Variants in NAV2 observed in about 807,000 individuals in gnomAD.
The protein encoded by NAV2 is helicase, APC down-regulated 1.
Under a neutral mutation model 223.2 loss-of-function variants are expected in NAV2, and 54 were observed. That is an observed-to-expected ratio of 0.24 (90% CI 0.19 to 0.30). The LOEUF (loss-of-function observed/expected upper bound fraction) is 0.30, where lower values mean the gene tolerates loss of function less well. Ranked by LOEUF, NAV2 falls within the 10% of genes least tolerant of loss-of-function variation. The probability of loss-of-function intolerance (pLI) is 1.00; values close to 1 mark genes in which losing one functional copy is unlikely to be tolerated. For missense variants in NAV2, 2,806 were observed against 3,147.5 expected, an observed-to-expected ratio of 0.89 and a Z score of 2.60; for synonymous variants, 1,279 against 1,239.3, an observed-to-expected ratio of 1.03 and a Z score of -0.67.
intron 5 of NAV2, among the ~76,000 whole-genome samples, chr11:19,885,194 T>C (rs2063455378): frequency 6.6e-6 from 1 of 152,234 alleles, no homozygotes; most frequent in Non-Finnish European, 1.5e-5. Context: ...GTCATATTAT[T>C]GTCTCCATTT....
At chr11:19,542,701 C>A (rs1323197475) in intron 1 of NAV2, among the ~76,000 whole-genome samples, 1 of 152,148 alleles carries the variant, frequency 6.6e-6, no homozygotes. Context: ...TCATTTTGAC[C>A]CTAAACACAT....
intron 1 of NAV2, among the ~76,000 whole-genome samples, chr11:19,751,680 C>G (rs1223255014): frequency 6.6e-6 from 1 of 152,208 alleles, no homozygotes; most frequent in East Asian, 1.9e-4. Context: ...TCTCTACTCT[C>G]TTCCTTTATT....
At chr11:19,883,131 T>C (rs2063324699) in intron 5 of NAV2, among the ~76,000 whole-genome samples, 1 of 152,218 alleles carries the variant, frequency 6.6e-6, no homozygotes. Context: ...TTGTTTTGTT[T>C]TTCTGTTAGA....
intron 1 of NAV2, among the ~76,000 whole-genome samples, chr11:19,688,485 A>G (rs2049083144): frequency 6.6e-6 from 1 of 152,240 alleles, no homozygotes; most frequent in Non-Finnish European, 1.5e-5. Flanking sequence ...TCCGGGCATC[A>G]AGTTTACTTT....
chr11:19,410,851 T>C (rs1041424380), intron 1 of NAV2, among the ~76,000 whole-genome samples: 2 of 152,090 alleles, frequency 1.3e-5, no homozygotes, highest in Non-Finnish European at 2.9e-5. Context: ...GGATCAATTG[T>C]TTATTTTTTG....
intron 26 of NAV2, among the ~76,000 whole-genome samples, chr11:20,087,922 G>A (rs2060561655): frequency 6.6e-6 from 1 of 152,064 alleles, no homozygotes; most frequent in East Asian, 1.9e-4. Context: ...CAAATACCTA[G>A]CCCATTTGTT....
chr11:19,626,566 A>T (rs554786863), intron 1 of NAV2, among the ~76,000 whole-genome samples: 74 of 152,300 alleles, frequency 4.9e-4, no homozygotes, highest in Non-Finnish European at 9.8e-4. Context: ...TCTGTGAAGA[A>T]TGTCATTGGT....
chr11:19,464,543 T>C (rs568059411), intron 1 of NAV2, among the ~76,000 whole-genome samples: 91 of 152,308 alleles, frequency 6.0e-4, no homozygotes, highest in Middle Eastern at 3.4e-3. Context: ...TAGGCCTCAG[T>C]TTTCTCATCT....
At chr11:19,685,724 G>C (rs970595273) in intron 1 of NAV2, among the ~76,000 whole-genome samples, 5 of 152,116 alleles carry the variant, frequency 3.3e-5, no homozygotes, top group Non-Finnish European at 5.9e-5. Flanking sequence ...AAGTTGATGA[G>C]TGATATTGGG....
chr11:19,396,526 C>T (rs910996872), intron 1 of NAV2, among the ~76,000 whole-genome samples: 1 of 152,174 alleles, frequency 6.6e-6, no homozygotes, highest in Admixed American at 6.5e-5. Flanking sequence ...CCTATGGCGG[C>T]CACACTATGA....
At position 19,622,665 on chromosome 11, in the gene NAV2, C is replaced by A. The variant is rs866401381; in HGVS notation, c.76-209819C>A. Among the ~76,000 whole-genome samples, 474 of 152,168 alleles carry A rather than the reference C, an allele frequency of 3.1e-3. 1 individual carries two copies. Among genetic ancestry groups the A allele is most frequent in the African/African-American group, 0.011 (454 of 41,514 alleles). On this transcript the variant is annotated intron_variant, in intron 1 of 37. Transcript: ENST00000360655. ...TTTTGAGCCTATGTGTGTCTCTGCA[C>A]GTGAGATGGGTTTCCTGAATACAGC...
intron 1 of NAV2, among the ~76,000 whole-genome samples, chr11:19,420,337 G>A (rs1417943830): frequency 1.3e-5 from 2 of 152,224 alleles, no homozygotes. Flanking sequence ...GTTGGTGGGA[G>A]TGAAAATTGG....
chr11:20,080,813 A>G (rs908521501), intron 25 of NAV2, among the ~76,000 whole-genome samples: 2 of 152,214 alleles, frequency 1.3e-5, no homozygotes, highest in Non-Finnish European at 2.9e-5. Flanking sequence ...TCCATGTTTC[A>G]TAATCCCAGT....
At chr11:19,890,040 G>A (rs1172985586) in intron 5 of NAV2, among the ~76,000 whole-genome samples, 6 of 152,276 alleles carry the variant, frequency 3.9e-5, no homozygotes, top group Admixed American at 6.5e-5. Flanking sequence ...TCATGAACCC[G>A]TGTTCACTGG....
intron 1 of NAV2, among the ~76,000 whole-genome samples, chr11:19,820,537 T>G (rs1013942807): frequency 1.3e-5 from 2 of 152,206 alleles, no homozygotes; most frequent in Non-Finnish European, 2.9e-5. Context: ...TCAGCCTCAC[T>G]TGGACTTATT....
rs2041606036 is a variant in NAV2, at chr11:19,892,692, G to T, written c.931+98G>T. On this transcript the variant is annotated intron_variant, in intron 6 of 37. Coordinates refer to ENST00000349880, the MANE Select transcript of NAV2 (RefSeq NM_145117.5). ...TTGGGTTGGGTCATGGGGAGGGGTT[G>T]CATCTGTGTTGAGAATGAGTTACAA... 4 of 1,329,794 alleles carry T rather than the reference G, an allele frequency of 3.0e-6. No homozygotes were observed. The African/African-American group carries it at 5.9e-5, about 20-fold the overall frequency. The allele number at this position is 1,329,794 out of a possible 1,614,324, so 82.4% of individuals were successfully genotyped here. A position where few individuals can be genotyped will look rare whatever the true frequency, so the allele number is the denominator to read the frequency against.
intron 35 of NAV2, among the ~76,000 whole-genome samples, chr11:20,107,056 CATTT>C (rs2062184190): frequency 1.1e-5 from 1 of 91,706 alleles, no homozygotes; most frequent in African/African-American, 4.5e-5. Context: ...CATGGGCTTC[CATTT>C]TTTTTTTTTT....
intron 1 of NAV2, among the ~76,000 whole-genome samples, chr11:19,633,859 T>C (rs1436468821): frequency 6.6e-6 from 1 of 152,238 alleles, no homozygotes; most frequent in Non-Finnish European, 1.5e-5. Context: ...TTACCAGCTG[T>C]GTGGCCTCTT....
At chr11:20,026,482 T>C (rs535052861) in intron 11 of NAV2, among the ~76,000 whole-genome samples, 2 of 152,134 alleles carry the variant, frequency 1.3e-5, no homozygotes, top group South Asian at 4.2e-4. Context: ...GGCTAATTTT[T>C]TGTATTTTTA....
Sources: allele counts gnomAD v4.1 joint callset (sites outside exome capture counted in the v4.1 genomes callset), GRCh38; gene constraint gnomAD v4.1.1; transcripts MANE v1.5; gene names NCBI Gene and HGNC (gene_info 2026-07-23, HGNC 2026-07-21).